The following NOX4 variants were observed in gnomAD, a reference collection of about 807,000 sequenced individuals.
The protein encoded by NOX4 is kidney oxidase-1.
A neutral mutation model predicts 87.6 loss-of-function variants in NOX4; 69 were observed. That is an observed-to-expected ratio of 0.79 (90% CI 0.65 to 0.96). NOX4 has a LOEUF of 0.96. Ranked by LOEUF, NOX4 falls within the 40% of genes least tolerant of loss-of-function variation. The pLI is 0.00. For missense variants in NOX4, 680 were observed against 681.5 expected (o/e 1.00, Z 0.02); for synonymous variants, 275 against 238.2 (o/e 1.15, Z -1.42).
At chr11:89,586,356 G>C in the NOX4 span, among the ~76,000 whole-genome samples, 1 of 152,118 alleles carries the variant, frequency 6.6e-6, no homozygotes, top group Non-Finnish European at 1.5e-5. Context: ...ATTATATAAT[G>C]TTAGTTCTCA....
intron 6 of NOX4, among the ~76,000 whole-genome samples, chr11:89,433,522 A>C (rs1943921701): frequency 6.6e-6 from 1 of 152,056 alleles, no homozygotes; most frequent in Non-Finnish European, 1.5e-5. Flanking sequence ...TATGAAACTA[A>C]GCAGTGCCTT....
chr11:89,570,575 C>G, the NOX4 span, among the ~76,000 whole-genome samples: 1 of 152,162 alleles, frequency 6.6e-6, no homozygotes, highest in Non-Finnish European at 1.5e-5. Flanking sequence ...TGGCTTATGA[C>G]TAATCCCAAC....
the NOX4 span, among the ~76,000 whole-genome samples, chr11:89,527,559 G>C: frequency 6.6e-6 from 1 of 152,164 alleles, no homozygotes; most frequent in Non-Finnish European, 1.5e-5. Flanking sequence ...TCAGTCTTGG[G>C]AATTGATGCC....
intron 16 of NOX4, among the ~76,000 whole-genome samples, chr11:89,337,116 C>A: frequency 6.6e-6 from 1 of 152,024 alleles, no homozygotes; most frequent in African/African-American, 2.4e-5. Context: ...TAACTGTATA[C>A]GAACTCATCT....
At position 89,382,698 on chromosome 11, in the gene NOX4, C is replaced by T. The variant is rs115456709; in HGVS notation, c.1075-9206G>A. ...CAGGCTCCAAATCTTCCTCAGACTCCACTCCCCCACCCTATAATTCTTCTG... is the reference window on the plus strand; with the variant it reads ...CAGGCTCCAAATCTTCCTCAGACTCTACTCCCCCACCCTATAATTCTTCTG... On this transcript the variant is annotated intron_variant, in intron 11 of 17. Transcript: ENST00000263317. 9.8e-3 allele frequency among the ~76,000 whole-genome samples: 1,491 copies of T among 152,128 alleles called. 13 individuals carry two copies. The highest frequency in any genetic ancestry group is 0.041 in the Middle Eastern group (12 of 294).
chr11:89,543,494 T>G, the NOX4 span, among the ~76,000 whole-genome samples: 1 of 152,008 alleles, frequency 6.6e-6, no homozygotes, highest in Non-Finnish European at 1.5e-5. Flanking sequence ...TACAGAAAAA[T>G]GTAAGTATTC....
chr11:89,387,123 A>C (rs2135119696), intron 11 of NOX4, among the ~76,000 whole-genome samples: 1 of 151,942 alleles, frequency 6.6e-6, no homozygotes, highest in Admixed American at 6.6e-5. Flanking sequence ...CCACCCCCAA[A>C]AATTTTCGCC....
chr11:89,450,956 C>A (rs1157956417), intron 3 of NOX4, among the ~76,000 whole-genome samples: 4 of 150,938 alleles, frequency 2.7e-5, no homozygotes, highest in Non-Finnish European at 5.9e-5. Context: ...AGCAAACTAT[C>A]ACAAGGACAG....
At chr11:89,444,940 T>C (rs1023248547) in intron 4 of NOX4, among the ~76,000 whole-genome samples, 2 of 152,110 alleles carry the variant, frequency 1.3e-5, no homozygotes, top group Non-Finnish European at 2.9e-5. Flanking sequence ...GTAATAAAAA[T>C]TATTTTGAGG....
chr11:89,515,554 AAG>A, the NOX4 span, among the ~76,000 whole-genome samples: 1 of 151,644 alleles, frequency 6.6e-6, no homozygotes, highest in Non-Finnish European at 1.5e-5. Context: ...GTCTTTTTAA[AAG>A]AGTGTAATGT....
At chr11:89,566,043 CTTT>C in the NOX4 span, among the ~76,000 whole-genome samples, 14 of 122,840 alleles carry the variant, frequency 1.1e-4, no homozygotes, top group Admixed American at 8.5e-5. Flanking sequence ...TTCTTTTTTT[CTTT>C]TTTTTTTTTT....
intron 6 of NOX4, among the ~76,000 whole-genome samples, chr11:89,433,230 A>G (rs1003839794): frequency 2.6e-5 from 4 of 152,102 alleles, no homozygotes; most frequent in Non-Finnish European, 5.9e-5. Context: ...ATTATTGCTT[A>G]CTATAGTCAT....
upstream of NOX4, among the ~76,000 whole-genome samples, chr11:89,496,821 C>G (rs568798062): frequency 2.0e-5 from 3 of 152,216 alleles, no homozygotes; most frequent in South Asian, 4.1e-4. Context: ...TCACAGCAAC[C>G]CTCTTATTGT....
At chr11:89,436,911 T>C (rs1944106100) in intron 6 of NOX4, among the ~76,000 whole-genome samples, 1 of 152,114 alleles carries the variant, frequency 6.6e-6, no homozygotes, top group Non-Finnish European at 1.5e-5. Flanking sequence ...AGCCACTATA[T>C]TTTATGTCAC....
intron 17 of NOX4, among the ~76,000 whole-genome samples, chr11:89,328,028 T>G (rs993237570): frequency 3.9e-5 from 6 of 152,178 alleles, no homozygotes; most frequent in African/African-American, 1.4e-4. Context: ...GGAGGCAATC[T>G]GCTGGCTGCA....
chr11:89,340,166 T>A lies in NOX4; in HGVS notation c.1343A>T (p.Asp448Val). 6.3e-7 allele frequency: 1 copy of A among 1,582,538 alleles called. No homozygotes were observed. The highest frequency in any genetic ancestry group is 1.4e-5 in the African/African-American group (1 of 73,444). ...FASILNTLLD[D>V]WKPYKLRRLY... is the part of the protein sequence containing the mutation. ...TCTTCTAAGCTTGTATGGTTTCCAG[T>A]CATCCCTTTAAAATGAAAATAACAT... Residue 448 changes from aspartate (D) to valine (V), a missense_variant, in exon 15 of 18, where the codon GAC becomes GTC. Asp to Val is a radical substitution (Grantham distance 152). Coordinates refer to ENST00000263317, the MANE Select transcript of NOX4 (RefSeq NM_016931.5).
chr11:89,491,035 C>A, intron 1 of NOX4, 155 bp downstream of exon 1: 1 of 814,130 alleles, frequency 1.2e-6, no homozygotes, highest in South Asian at 1.5e-5. Flanking sequence ...GGGGAGTGTT[C>A]ATTGTTATCT....
intron 7 of NOX4, among the ~76,000 whole-genome samples, chr11:89,431,098 A>G (rs942041214): frequency 6.6e-6 from 1 of 152,234 alleles, no homozygotes; most frequent in Non-Finnish European, 1.5e-5. Flanking sequence ...AAAACAAGAA[A>G]TGGGGAAAGA....
At chr11:89,476,777 A>G (rs895196242) in intron 2 of NOX4, among the ~76,000 whole-genome samples, 1 of 152,236 alleles carries the variant, frequency 6.6e-6, no homozygotes, top group South Asian at 2.1e-4. Context: ...ACAATGGAAT[A>G]CCATGTAGCA....
Sources: allele counts gnomAD v4.1 joint callset (sites outside exome capture counted in the v4.1 genomes callset), GRCh38; gene constraint gnomAD v4.1.1; transcripts MANE v1.5; gene names NCBI Gene and HGNC (gene_info 2026-07-23, HGNC 2026-07-21).